Variants in COX7B2 observed in about 807,000 individuals in gnomAD.
The protein encoded by COX7B2 is cytochrome c oxidase subunit 7B2.
For missense variants in COX7B2, 109 were observed against 95.9 expected, an observed-to-expected ratio of 1.14 and a Z score of -0.57; for synonymous variants, 37 against 32.1, an observed-to-expected ratio of 1.15 and a Z score of -0.51.
At chr4:46,883,773 C>T (rs1718895172) in intron 1 of COX7B2, among the ~76,000 whole-genome samples, 1 of 138,090 alleles carries the variant, frequency 7.2e-6, no homozygotes, top group Non-Finnish European at 1.6e-5. Context: ...CAGAATAAAC[C>T]TTTAAAAAAA....
intron 1 of COX7B2, among the ~76,000 whole-genome samples, chr4:46,903,169 T>C (rs1015203697): frequency 6.6e-6 from 1 of 152,134 alleles, no homozygotes; most frequent in Non-Finnish European, 1.5e-5. Context: ...AAAAAACCAT[T>C]AACACTCAAA....
chr4:46,902,516 A>C (rs1051276894), intron 1 of COX7B2, among the ~76,000 whole-genome samples: 3 of 152,202 alleles, frequency 2.0e-5, no homozygotes, highest in Admixed American at 2.0e-4. Flanking sequence ...CTATCAAGAC[A>C]TTGCTTCTTT....
intron 2 of COX7B2, among the ~76,000 whole-genome samples, chr4:46,814,752 T>C (rs1204331604): frequency 6.6e-6 from 1 of 152,232 alleles, no homozygotes; most frequent in Non-Finnish European, 1.5e-5. Flanking sequence ...CTGTTGAAGA[T>C]ATTTCAGCAT....
At chr4:46,818,071 A>T (rs989620669) in intron 2 of COX7B2, among the ~76,000 whole-genome samples, 1 of 152,238 alleles carries the variant, frequency 6.6e-6, no homozygotes, top group Non-Finnish European at 1.5e-5. Flanking sequence ...AAAGGTAAGT[A>T]CACTGGCATC....
rs1714298223 is a variant in COX7B2 at position 46,735,285 on chromosome 4, C to T, written c.-49-44G>A. 43 of 1,406,602 alleles carry T rather than the reference C, an allele frequency of 3.1e-5. No homozygotes were observed. The South Asian group carries it at 5.4e-4, about 18-fold the overall frequency. 87.1% of individuals were successfully genotyped at this position (1,406,602 alleles called of 1,614,324 possible). A position where few individuals can be genotyped will look rare whatever the true frequency, so the allele number is the denominator to read the frequency against. ...TATGCATTGATGTCCAATCTTTATTCAATTCCTTCCGCTTTGAATGTCTGG... is the reference window on the plus strand; with the variant it reads ...TATGCATTGATGTCCAATCTTTATTTAATTCCTTCCGCTTTGAATGTCTGG... On this transcript the variant is annotated intron_variant, in intron 2 of 2. Coordinates refer to ENST00000355591, the MANE Select transcript of COX7B2 (RefSeq NM_130902.3).
intron 2 of COX7B2, among the ~76,000 whole-genome samples, chr4:46,811,862 A>G (rs1448861945): frequency 6.6e-6 from 1 of 152,188 alleles, no homozygotes; most frequent in Non-Finnish European, 1.5e-5. Context: ...TGTAATCTAC[A>G]TTCAGCTTCT....
chr4:46,857,244 A>G (rs935219256), intron 1 of COX7B2, among the ~76,000 whole-genome samples: 1 of 152,208 alleles, frequency 6.6e-6, no homozygotes, highest in Non-Finnish European at 1.5e-5. Context: ...AATGAAGATA[A>G]TAACAACACT....
intron 1 of COX7B2, among the ~76,000 whole-genome samples, chr4:46,851,786 G>A (rs752903588): frequency 1.6e-4 from 25 of 152,010 alleles, no homozygotes; most frequent in Non-Finnish European, 2.9e-4. Context: ...AAATTACAAT[G>A]ACGTTATGTA....
At chr4:46,754,069 G>A (rs1466734296) in intron 2 of COX7B2, among the ~76,000 whole-genome samples, 2 of 152,124 alleles carry the variant, frequency 1.3e-5, no homozygotes, top group Admixed American at 1.3e-4. Context: ...AACAACAGGT[G>A]CTGGAGAGGA....
chr4:46,891,901 G>A (rs1033341162), intron 1 of COX7B2, among the ~76,000 whole-genome samples: 2 of 152,136 alleles, frequency 1.3e-5, no homozygotes, highest in Non-Finnish European at 2.9e-5. Context: ...GATCTAAGTA[G>A]GTTTCTTTTG....
intron 1 of COX7B2, among the ~76,000 whole-genome samples, chr4:46,889,979 CA>C (rs1448912334): frequency 3.3e-5 from 5 of 151,056 alleles, no homozygotes; most frequent in African/African-American, 9.7e-5. Flanking sequence ...ATGACTTATC[CA>C]AAAAAGAAAT....
chr4:46,772,245 A>T (rs1716917034), intron 2 of COX7B2, among the ~76,000 whole-genome samples: 1 of 152,176 alleles, frequency 6.6e-6, no homozygotes, highest in South Asian at 2.1e-4. Context: ...ACCTAAAAAA[A>T]TCAAACTCGT....
At chr4:46,887,341 A>T (rs1719138038) in intron 1 of COX7B2, among the ~76,000 whole-genome samples, 1 of 152,202 alleles carries the variant, frequency 6.6e-6, no homozygotes, top group South Asian at 2.1e-4. Flanking sequence ...CATGACCTTC[A>T]TCTGAATGCA....
intron 2 of COX7B2, among the ~76,000 whole-genome samples, chr4:46,757,139 TGAAA>T (rs1404392475): frequency 6.6e-6 from 1 of 152,070 alleles, no homozygotes; most frequent in Non-Finnish European, 1.5e-5. Context: ...TAAAAAAGAA[TGAAA>T]GAATGTCTTT....
chr4:46,749,546 T>C (rs537362876), intron 2 of COX7B2, among the ~76,000 whole-genome samples: 2 of 152,312 alleles, frequency 1.3e-5, no homozygotes, highest in Non-Finnish European at 1.5e-5. Context: ...AATAGTGTTA[T>C]GTACATGTAC....
At chr4:46,833,527 T>C (rs1715306723) in intron 2 of COX7B2, among the ~76,000 whole-genome samples, 1 of 152,158 alleles carries the variant, frequency 6.6e-6, no homozygotes, top group African/African-American at 2.4e-5. Context: ...TACTTTTTGA[T>C]GTAAGATTCA....
intron 2 of COX7B2, among the ~76,000 whole-genome samples, chr4:46,768,425 T>G (rs1271303476): frequency 6.6e-6 from 1 of 152,190 alleles, no homozygotes. Flanking sequence ...ACTCTGCTCC[T>G]CTGCCACTGG....
At chr4:46,835,145 G>A (rs1025701369) in intron 2 of COX7B2, among the ~76,000 whole-genome samples, 1 of 152,018 alleles carries the variant, frequency 6.6e-6, no homozygotes, top group Non-Finnish European at 1.5e-5. Flanking sequence ...AGAAAAGGGG[G>A]ATTATTACAC....
chr4:46,850,421 G>A (rs936917504), intron 1 of COX7B2, among the ~76,000 whole-genome samples: 8 of 151,912 alleles, frequency 5.3e-5, no homozygotes, highest in South Asian at 4.1e-4. Context: ...TTTTCAAGAC[G>A]GAGCGGGAAA....
Sources: allele counts gnomAD v4.1 joint callset (sites outside exome capture counted in the v4.1 genomes callset), GRCh38; gene constraint gnomAD v4.1.1; transcripts MANE v1.5; gene names NCBI Gene and HGNC (gene_info 2026-07-23, HGNC 2026-07-21).